ZNF521: variants seen among roughly 807,000 people sequenced by gnomAD.
The protein encoded by ZNF521 is LYST-interacting protein 3.
In ZNF521, 14 loss-of-function variants were observed where a neutral mutation model predicts 105.5. That is an observed-to-expected ratio of 0.13 (90% confidence interval 0.09 to 0.21). The LOEUF (loss-of-function observed/expected upper bound fraction) is 0.21. Ranked by LOEUF, ZNF521 falls within the 10% of genes least tolerant of loss-of-function variation. The probability of loss-of-function intolerance (pLI) is 1.00; values close to 1 mark genes in which losing one functional copy is unlikely to be tolerated. For synonymous variants in ZNF521, 635 were observed against 606.0 expected, an observed-to-expected ratio of 1.05 and a Z score of -0.70; for missense variants, 1,233 against 1,629.7, an observed-to-expected ratio of 0.76 and a Z score of 4.19.
chr18:25,306,718 G>A (rs1381365258), intron 3 of ZNF521, among the ~76,000 whole-genome samples: 1 of 151,970 alleles, frequency 6.6e-6, no homozygotes, highest in Non-Finnish European at 1.5e-5. Context: ...TAATCAATCT[G>A]AGAAGAAGAG....
chr18:25,327,653 T>C (rs1437096027), intron 2 of ZNF521: 1 of 519,592 alleles, frequency 1.9e-6, no homozygotes, highest in Non-Finnish European at 3.8e-6. Flanking sequence ...ATCATTATTT[T>C]GTGCTTTCTG....
intron 3 of ZNF521, among the ~76,000 whole-genome samples, chr18:25,269,523 T>C (rs1909500402): frequency 6.6e-6 from 1 of 152,200 alleles, no homozygotes; most frequent in African/African-American, 2.4e-5. Context: ...ATTCTATAAT[T>C]GACCACATAA....
chr18:25,350,764 A>T, intron 2 of ZNF521, 143 bp downstream of exon 2: 1 of 750,772 alleles, frequency 1.3e-6, no homozygotes, highest in Non-Finnish European at 2.1e-6. Flanking sequence ...CTAGGGGCTC[A>T]GCGGGGAGGG....
At chr18:25,220,895 G>T (rs1421727122) in intron 4 of ZNF521, among the ~76,000 whole-genome samples, 1 of 152,150 alleles carries the variant, frequency 6.6e-6, no homozygotes, top group African/African-American at 2.4e-5. Context: ...AACTCCAGAA[G>T]AATCAACATT....
chr18:25,100,303 C>T (rs910084712), intron 5 of ZNF521, among the ~76,000 whole-genome samples: 3 of 152,024 alleles, frequency 2.0e-5, no homozygotes, highest in Non-Finnish European at 4.4e-5. Flanking sequence ...TCCTTGACAA[C>T]CATGGGTTTT....
intron 3 of ZNF521, among the ~76,000 whole-genome samples, chr18:25,246,037 C>A (rs182777012): frequency 6.6e-6 from 1 of 151,840 alleles, no homozygotes; most frequent in African/African-American, 2.4e-5. Flanking sequence ...ACATGCTAAC[C>A]GATTGCGCCA....
At chr18:25,282,542 G>A (rs1910444945) in intron 3 of ZNF521, among the ~76,000 whole-genome samples, 1 of 152,120 alleles carries the variant, frequency 6.6e-6, no homozygotes, top group Non-Finnish European at 1.5e-5. Context: ...AATAAAGTGT[G>A]AGCTTGCACA....
At chr18:25,272,715 G>A (rs1047745794) in intron 3 of ZNF521, among the ~76,000 whole-genome samples, 2 of 151,988 alleles carry the variant, frequency 1.3e-5, no homozygotes, top group Admixed American at 6.6e-5. Flanking sequence ...TGTACAATGA[G>A]GACACAGGGA....
At chr18:25,088,948 G>GT (rs1177176519) in intron 7 of ZNF521, among the ~76,000 whole-genome samples, 3 of 152,116 alleles carry the variant, frequency 2.0e-5, no homozygotes, top group Non-Finnish European at 4.4e-5. Flanking sequence ...ATGTCTTTGG[G>GT]TGCAAAATTT....
At chr18:25,070,833 A>G (rs2033201416) in intron 7 of ZNF521, among the ~76,000 whole-genome samples, 1 of 152,142 alleles carries the variant, frequency 6.6e-6, no homozygotes, top group Non-Finnish European at 1.5e-5. Flanking sequence ...ACACTTGTGC[A>G]TGAATAAATG....
intron 7 of ZNF521, among the ~76,000 whole-genome samples, chr18:25,081,930 C>T (rs1247800625): frequency 2.0e-5 from 3 of 152,124 alleles, no homozygotes; most frequent in Non-Finnish European, 4.4e-5. Context: ...AACTTTCTGC[C>T]TTCAATGGTA....
intron 3 of ZNF521, among the ~76,000 whole-genome samples, chr18:25,295,601 T>C (rs1373815284): frequency 6.9e-6 from 1 of 144,132 alleles, no homozygotes; most frequent in East Asian, 2.0e-4. Context: ...ACACCTACTA[T>C]GTACCCAAAA....
chr18:25,150,920 G>A (rs370396352), intron 5 of ZNF521, among the ~76,000 whole-genome samples: 4 of 131,572 alleles, frequency 3.0e-5, no homozygotes, highest in South Asian at 4.7e-4. Context: ...ACAGAGTCTC[G>A]CTCTGTCACC....
chr18:25,174,798 T>TCTGAGCA (rs1428825911), intron 5 of ZNF521, among the ~76,000 whole-genome samples: 3 of 152,218 alleles, frequency 2.0e-5, no homozygotes, highest in African/African-American at 7.2e-5. Context: ...CCCCAACCTT[T>TCTGAGCA]CTGAGCACTG....
At chr18:25,252,786 T>C (rs1034534909) in intron 3 of ZNF521, among the ~76,000 whole-genome samples, 12 of 152,166 alleles carry the variant, frequency 7.9e-5, no homozygotes, top group Non-Finnish European at 1.6e-4. Context: ...TCAAACCCCA[T>C]AGCGCATCCA....
chr18:25,106,743 T>C (rs1430827118), intron 5 of ZNF521, among the ~76,000 whole-genome samples: 1 of 152,184 alleles, frequency 6.6e-6, no homozygotes, highest in Non-Finnish European at 1.5e-5. Context: ...TTTTAAAATA[T>C]ATATATTTTA....
At chr18:25,159,865 A>G (rs1049847198) in intron 5 of ZNF521, among the ~76,000 whole-genome samples, 1 of 152,216 alleles carries the variant, frequency 6.6e-6, no homozygotes, top group Non-Finnish European at 1.5e-5. Flanking sequence ...AATAGTACAC[A>G]TGGTTATGCG....
intron 5 of ZNF521, among the ~76,000 whole-genome samples, chr18:25,190,845 C>T (rs1160849828): frequency 6.6e-6 from 1 of 152,218 alleles, no homozygotes; most frequent in Admixed American, 6.5e-5. Context: ...GAGTACGTAT[C>T]TTCCTACATA....
intron 5 of ZNF521, among the ~76,000 whole-genome samples, chr18:25,116,774 G>C (rs2034311623): frequency 6.6e-6 from 1 of 151,098 alleles, no homozygotes; most frequent in South Asian, 2.1e-4. Context: ...CCAATAGAAA[G>C]CTTCAGTTAT....
Sources: gnomAD v4.1 joint callset for allele counts (sites outside exome capture counted in the v4.1 genomes callset) on GRCh38, gnomAD v4.1.1 for gene constraint, MANE v1.5 for transcripts, NCBI Gene and HGNC (gene_info 2026-07-23, HGNC 2026-07-21) for gene names.